Variants in PLCB4 observed in about 807,000 individuals in gnomAD.
The protein encoded by PLCB4 is phospholipase C beta 4.
In PLCB4, 77 loss-of-function variants were observed where a neutral mutation model predicts 178.8. The observed-to-expected ratio is 0.43, with a 90% CI of 0.36 to 0.52. PLCB4 has a LOEUF of 0.52. Ranked by LOEUF, PLCB4 falls within the 20% of genes least tolerant of loss-of-function variation. The probability of loss-of-function intolerance (pLI) is 0.00; values close to 1 mark genes in which losing one functional copy is unlikely to be tolerated. For synonymous variants in PLCB4, 496 were observed against 490.8 expected, an observed-to-expected ratio of 1.01 and a Z score of -0.14; for missense variants, 1,024 against 1,453.4, an observed-to-expected ratio of 0.70 and a Z score of 4.80.
At chr20:9,468,532 T>C in intron 35 of PLCB4, 39 bp from the exon 36 acceptor site, 1 of 1,227,368 alleles carries the variant, frequency 8.1e-7, no homozygotes, top group Non-Finnish European at 1.2e-6. Flanking sequence ...AAACTCTCCA[T>C]CCCCCCTCCC....
chr20:9,466,679 A>C (rs962169697), intron 35 of PLCB4, among the ~76,000 whole-genome samples: 1 of 152,254 alleles, frequency 6.6e-6, no homozygotes, highest in African/African-American at 2.4e-5. Context: ...ACATGAAAAA[A>C]TGCTCATCAT....
At chr20:9,074,628 A>G (rs748458604) in intron 1 of PLCB4, among the ~76,000 whole-genome samples, 9 of 152,146 alleles carry the variant, frequency 5.9e-5, no homozygotes, top group Non-Finnish European at 1.2e-4. Context: ...ACCATGAAGT[A>G]CCAGATCTTC....
At chr20:9,425,820 A>C (rs2040962171) in intron 28 of PLCB4, among the ~76,000 whole-genome samples, 1 of 152,260 alleles carries the variant, frequency 6.6e-6, no homozygotes, top group South Asian at 2.1e-4. Flanking sequence ...AACCAGGGAC[A>C]GACATTATGC....
intron 2 of PLCB4, among the ~76,000 whole-genome samples, chr20:9,201,704 A>G (rs1379036519): frequency 6.6e-6 from 1 of 152,208 alleles, no homozygotes; most frequent in African/African-American, 2.4e-5. Flanking sequence ...ACCTATGAGC[A>G]TGGCTAAAAT....
chr20:9,113,092 G>A (rs2091643485), intron 2 of PLCB4, among the ~76,000 whole-genome samples: 2 of 152,154 alleles, frequency 1.3e-5, no homozygotes, highest in African/African-American at 4.8e-5. Flanking sequence ...CAATTTATGT[G>A]AGTGTGTGTG....
chr20:9,438,364 T>A (rs1330107374), intron 30 of PLCB4, among the ~76,000 whole-genome samples: 6 of 145,562 alleles, frequency 4.1e-5, no homozygotes, highest in African/African-American at 1.5e-4. Flanking sequence ...AGACTATATC[T>A]TAAAAAAAAA....
chr20:9,230,601 A>G (rs1218644646), intron 3 of PLCB4, among the ~76,000 whole-genome samples: 1 of 152,062 alleles, frequency 6.6e-6, no homozygotes, highest in East Asian at 1.9e-4. Context: ...CTCACAATTC[A>G]CTGGGTCAGC....
intron 28 of PLCB4, among the ~76,000 whole-genome samples, chr20:9,432,583 T>C (rs76794479): frequency 0.018 from 2,759 of 152,298 alleles, 41 homozygotes; most frequent in Middle Eastern, 0.061. Context: ...GGATACAAGT[T>C]AAACCTCACT....
intron 27 of PLCB4, among the ~76,000 whole-genome samples, chr20:9,423,236 A>C (rs142450495): frequency 6.6e-6 from 1 of 152,256 alleles, no homozygotes; most frequent in Non-Finnish European, 1.5e-5. Flanking sequence ...TACAAAAGTT[A>C]TCTCTTATGC....
intron 2 of PLCB4, among the ~76,000 whole-genome samples, chr20:9,212,966 T>G (rs2093688367): frequency 6.6e-6 from 1 of 152,024 alleles, no homozygotes; most frequent in African/African-American, 2.4e-5. Context: ...ATCTAACCTT[T>G]GAATCTTCAT....
intron 7 of PLCB4, among the ~76,000 whole-genome samples, chr20:9,352,674 C>T (rs1057149431): frequency 2.6e-5 from 4 of 152,142 alleles, no homozygotes; most frequent in African/African-American, 9.7e-5. Flanking sequence ...AAATATTATC[C>T]TCACCCATTC....
At chr20:9,120,987 G>A (rs1444659524) in intron 2 of PLCB4, among the ~76,000 whole-genome samples, 1 of 152,148 alleles carries the variant, frequency 6.6e-6, no homozygotes, top group African/African-American at 2.4e-5. Flanking sequence ...TCTCCCTGAA[G>A]CCCTCCTCAC....
chr20:9,271,698 G>T (rs2094404371), intron 3 of PLCB4, among the ~76,000 whole-genome samples: 1 of 152,086 alleles, frequency 6.6e-6, no homozygotes, highest in Non-Finnish European at 1.5e-5. Context: ...CAATGAGATG[G>T]CTTATTAGAA....
At chr20:9,415,215 GGGTTTTCTATCTTTTAAAATA>G (rs1214190411) in intron 25 of PLCB4, among the ~76,000 whole-genome samples, 12 of 151,958 alleles carry the variant, frequency 7.9e-5, no homozygotes, top group African/African-American at 2.7e-4. Flanking sequence ...TTTTCCTATT[GGGTTTTCTATCTTTTAAAATA>G]GATTTTTTAT....
chr20:9,187,192 C>T (rs1038546435), intron 2 of PLCB4, among the ~76,000 whole-genome samples: 4 of 151,874 alleles, frequency 2.6e-5, no homozygotes, highest in Non-Finnish European at 4.4e-5. Context: ...CCAGGCTGGT[C>T]TCAAACTCCT....
At chr20:9,247,234 T>G (rs2094135078) in intron 3 of PLCB4, among the ~76,000 whole-genome samples, 2 of 152,208 alleles carry the variant, frequency 1.3e-5, no homozygotes, top group Admixed American at 1.3e-4. Flanking sequence ...GTAACTTTGT[T>G]TTCATTTTAG....
At chr20:9,348,169 T>C (rs2033997081) in intron 7 of PLCB4, among the ~76,000 whole-genome samples, 1 of 152,124 alleles carries the variant, frequency 6.6e-6, no homozygotes, top group Admixed American at 6.5e-5. Flanking sequence ...GGCTTTGTGG[T>C]TGGAGAGGTG....
rs769351021 is a variant in PLCB4, at chr20:9,421,285, G to A, written c.2155-12G>A. ...AGCTTACTTCTCTTTGCTCTCGTTC[G>A]TGCTGCTACAGGTTATATCAGGTCA... On this transcript the variant is annotated splice_polypyrimidine_tract_variant and intron_variant, in intron 26 of 39. Transcript: ENST00000378473. The A allele has an allele frequency of 4.4e-5, 70 of 1,598,646 alleles. No individual in the cohort carries two copies. The highest frequency in any genetic ancestry group is 1.3e-4 in the South Asian group (12 of 89,838).
chr20:9,084,880 G>A (rs944024279), intron 1 of PLCB4, among the ~76,000 whole-genome samples: 9 of 151,870 alleles, frequency 5.9e-5, no homozygotes, highest in African/African-American at 1.9e-4. Context: ...GTGAAACCCC[G>A]TCTCTACTGA....
Sources: allele counts gnomAD v4.1 joint callset (sites outside exome capture counted in the v4.1 genomes callset), GRCh38; gene constraint gnomAD v4.1.1; transcripts MANE v1.5; gene names NCBI Gene and HGNC (gene_info 2026-07-23, HGNC 2026-07-21).